GPC5: variants seen among roughly 807,000 people sequenced by gnomAD.
The protein encoded by GPC5 is glypican 5, also known as glypican-5.
A neutral mutation model predicts 53.9 loss-of-function variants in GPC5; 47 were observed. The ratio of observed to expected loss-of-function variants is 0.87; its 90% CI spans 0.69 to 1.11. GPC5 has a LOEUF of 1.11. GPC5 is among the 50% of genes most tolerant of loss of function. The pLI, the probability that GPC5 is intolerant of heterozygous loss-of-function variation, is 0.00. For synonymous variants in GPC5, 286 were observed against 263.3 expected, an observed-to-expected ratio of 1.09 and a Z score of -0.84; for missense variants, 748 against 713.1, an observed-to-expected ratio of 1.05 and a Z score of -0.56.
intron 7 of GPC5, among the ~76,000 whole-genome samples, chr13:92,748,370 G>C (rs1474263615): frequency 6.7e-6 from 1 of 148,870 alleles, no homozygotes; most frequent in Non-Finnish European, 1.5e-5. Context: ...GTCTCGCTCT[G>C]TCACCCAGGC....
At chr13:91,875,565 C>G (rs999646156) in intron 5 of GPC5, among the ~76,000 whole-genome samples, 2 of 151,882 alleles carry the variant, frequency 1.3e-5, no homozygotes, top group African/African-American at 4.8e-5. Flanking sequence ...ACATTTTTTT[C>G]CTCCAATAAC....
intron 5 of GPC5, among the ~76,000 whole-genome samples, chr13:91,894,447 C>G (rs1475813491): frequency 2.6e-5 from 4 of 152,098 alleles, no homozygotes; most frequent in African/African-American, 9.7e-5. Flanking sequence ...TGGAGATTTC[C>G]CCATGATGAC....
intron 5 of GPC5, among the ~76,000 whole-genome samples, chr13:91,860,494 T>C (rs201366502): frequency 7.4e-5 from 9 of 122,424 alleles, no homozygotes; most frequent in South Asian, 4.9e-4. Flanking sequence ...TCCTTCCTCT[T>C]TCTTTCTTTC....
intron 7 of GPC5, among the ~76,000 whole-genome samples, chr13:92,855,957 T>G (rs1878982518): frequency 1.3e-5 from 2 of 152,058 alleles, no homozygotes; most frequent in African/African-American, 4.8e-5. Flanking sequence ...CCAGTCCCCC[T>G]GAAACTATTC....
chr13:92,355,158 G>A (rs2139273298), intron 7 of GPC5, among the ~76,000 whole-genome samples: 1 of 151,504 alleles, frequency 6.6e-6, no homozygotes, highest in South Asian at 2.1e-4. Flanking sequence ...TTATCTATTT[G>A]AAGAAAAATT....
chr13:91,491,731 C>A (rs943188318), intron 2 of GPC5, among the ~76,000 whole-genome samples: 2 of 152,132 alleles, frequency 1.3e-5, no homozygotes, highest in Non-Finnish European at 2.9e-5. Context: ...TGGGCATCCC[C>A]AGTCTCTGCC....
intron 7 of GPC5, among the ~76,000 whole-genome samples, chr13:92,758,750 T>C (rs576140940): frequency 6.6e-5 from 10 of 152,188 alleles, no homozygotes; most frequent in African/African-American, 2.4e-4. Context: ...ATTCAGAAAT[T>C]ACATGGGAAT....
intron 7 of GPC5, among the ~76,000 whole-genome samples, chr13:92,190,242 C>T (rs1329201498): frequency 6.6e-6 from 1 of 151,936 alleles, no homozygotes; most frequent in Non-Finnish European, 1.5e-5. Context: ...TGAAATAATC[C>T]TTCAAAAGTA....
intron 7 of GPC5, among the ~76,000 whole-genome samples, chr13:92,811,739 GT>G (rs1877308563): frequency 6.6e-6 from 1 of 151,748 alleles, no homozygotes; most frequent in Admixed American, 6.6e-5. Flanking sequence ...AGTTTTAGCT[GT>G]TACATTTAGG....
chr13:91,896,712 A>G (rs142634501), intron 5 of GPC5, among the ~76,000 whole-genome samples: 54 of 152,258 alleles, frequency 3.5e-4, no homozygotes, highest in African/African-American at 1.3e-3. Context: ...AATCCTGTAT[A>G]TGCACATTTT....
chr13:92,360,991 T>C (rs1566556539), intron 7 of GPC5, among the ~76,000 whole-genome samples: 1 of 151,648 alleles, frequency 6.6e-6, no homozygotes, highest in Non-Finnish European at 1.5e-5. Flanking sequence ...CAATTCAAAC[T>C]CAGCCTCTAT....
chr13:92,191,031 T>C (rs2042219361), intron 7 of GPC5, among the ~76,000 whole-genome samples: 1 of 152,102 alleles, frequency 6.6e-6, no homozygotes, highest in Admixed American at 6.5e-5. Context: ...GCAAAAGATA[T>C]ACCATGAACA....
intron 7 of GPC5, among the ~76,000 whole-genome samples, chr13:92,170,518 C>T (rs2042062749): frequency 6.6e-6 from 1 of 150,518 alleles, no homozygotes; most frequent in South Asian, 2.1e-4. Context: ...CTCCACCTCC[C>T]AGGTTCAGGT....
At chr13:91,673,509 A>G (rs554651674) in intron 2 of GPC5, among the ~76,000 whole-genome samples, 7 of 152,210 alleles carry the variant, frequency 4.6e-5, no homozygotes, top group African/African-American at 1.4e-4. Flanking sequence ...AGCTCAGAGG[A>G]AACAAGAGCT....
chr13:92,223,546 G>A (rs781246705), intron 7 of GPC5, among the ~76,000 whole-genome samples: 6 of 151,738 alleles, frequency 4.0e-5, no homozygotes, highest in Non-Finnish European at 7.4e-5. Flanking sequence ...TTCTACAATT[G>A]GGTTATATTT....
At chr13:92,439,214 C>A (rs9523671) in intron 7 of GPC5, among the ~76,000 whole-genome samples, 46,962 of 151,988 alleles carry the variant, frequency 0.31, 7,680 homozygotes, top group Non-Finnish European at 0.36. Context: ...ACTCCCATAT[C>A]TAGAGGAAGA....
chr13:91,612,769 GTTAGTATT>G (rs1349890132), intron 2 of GPC5, among the ~76,000 whole-genome samples: 8 of 151,982 alleles, frequency 5.3e-5, no homozygotes, highest in Non-Finnish European at 8.8e-5. Flanking sequence ...TATTTTCTTT[GTTAGTATT>G]TTAAAAATAT....
At chr13:92,026,444 TTC>T (rs2040801450) in intron 6 of GPC5, among the ~76,000 whole-genome samples, 1 of 150,866 alleles carries the variant, frequency 6.6e-6, no homozygotes, top group South Asian at 2.1e-4. Context: ...AGGGATTTTT[TTC>T]TTTTTTCTTT....
intron 4 of GPC5, among the ~76,000 whole-genome samples, chr13:91,748,852 C>A (rs2037107908): frequency 6.6e-6 from 1 of 151,942 alleles, no homozygotes; most frequent in African/African-American, 2.4e-5. Context: ...GTGGAGGAAA[C>A]TGGATGTTCT....
Sources: allele counts gnomAD v4.1 joint callset (sites outside exome capture counted in the v4.1 genomes callset), GRCh38; gene constraint gnomAD v4.1.1; transcripts MANE v1.5; gene names NCBI Gene and HGNC (gene_info 2026-07-23, HGNC 2026-07-21).